KDM2B: variants seen among roughly 807,000 people sequenced by gnomAD.
KDM2B encodes the protein lysine-specific demethylase 2B.
A neutral mutation model predicts 150.0 loss-of-function variants in KDM2B; 26 were observed. The observed-to-expected ratio is 0.17, with a 90% confidence interval of 0.13 to 0.24. The LOEUF is 0.24. Ranked by LOEUF, KDM2B falls within the 10% of genes least tolerant of loss-of-function variation. The probability of loss-of-function intolerance (pLI) is 1.00; values close to 1 mark genes in which losing one functional copy is unlikely to be tolerated. For synonymous variants in KDM2B, 734 were observed against 729.5 expected (o/e 1.01, Z -0.10); for missense variants, 1,265 against 1,816.9 (o/e 0.70, Z 5.52).
intron 12 of KDM2B, 74 bp downstream of exon 12, chr12:121,494,505 C>T (rs782351696): frequency 6.2e-6 from 7 of 1,137,288 alleles, no homozygotes; most frequent in Admixed American, 6.0e-5. Flanking sequence ...CCCAAAAAGT[C>T]GCGGCTGTTC....
intron 4 of KDM2B, among the ~76,000 whole-genome samples, chr12:121,551,971 T>C (rs1555311887): frequency 6.6e-6 from 1 of 152,120 alleles, no homozygotes; most frequent in Non-Finnish European, 1.5e-5. Flanking sequence ...ATCTTTTGGG[T>C]TCAAGATCTA....
chr12:121,509,975 C>T lies in KDM2B; in HGVS notation c.1239G>A (p.Glu413=). ...CCTCCTGAGGCTGCTGATCACAGGC[C>T]TCCTCCTCCATCTCCAGCCAGGAAT... ...SSDSWLEMEE[E]ACDQQPQEEE... is the part of the protein sequence containing the mutation. The change falls in exon 11 of 23, where the codon GAG becomes GAA. Residue 413 remains glutamate (E), a synonymous_variant. Coordinates refer to ENST00000377071, the MANE Select transcript of KDM2B (RefSeq NM_032590.5). 3 of 1,603,818 alleles carry T rather than the reference C, an allele frequency of 1.9e-6. No homozygotes were observed. The South Asian group carries it at 3.3e-5, about 18-fold the overall frequency.
chr12:121,455,748 A>T (rs539809049), intron 12 of KDM2B, among the ~76,000 whole-genome samples: 4 of 152,340 alleles, frequency 2.6e-5, no homozygotes, highest in Admixed American at 2.0e-4. Flanking sequence ...TGAGGGCCGG[A>T]TGCCCCCAAC....
chr12:121,497,815 T>C (rs1204162062), intron 11 of KDM2B, among the ~76,000 whole-genome samples: 1 of 151,124 alleles, frequency 6.6e-6, no homozygotes, highest in East Asian at 2.0e-4. Flanking sequence ...GGTTTAACTC[T>C]GGCCAGTTGC....
At chr12:121,507,834 G>A (rs531726412) in intron 11 of KDM2B, among the ~76,000 whole-genome samples, 20 of 152,002 alleles carry the variant, frequency 1.3e-4, no homozygotes, top group Non-Finnish European at 2.6e-4. Flanking sequence ...AATGTGGTGA[G>A]ACCCCATCTC....
intron 12 of KDM2B, among the ~76,000 whole-genome samples, chr12:121,459,457 C>T (rs900440300): frequency 8.5e-5 from 13 of 152,098 alleles, no homozygotes; most frequent in South Asian, 6.2e-4. Context: ...ATCTTTATGA[C>T]TTTGAATTAG....
chr12:121,442,978 G>T lies in KDM2B; in HGVS notation c.2604+14C>A, dbSNP rs1555288988. On this transcript the variant is annotated intron_variant, in intron 18 of 22. Coordinates refer to ENST00000377071, the MANE Select transcript of KDM2B (RefSeq NM_032590.5). The surrounding 1 kb of genome is among the most constrained non-coding windows in gnomAD (Gnocchi z 7.7). ...GCTCAGGCCTGGGGCACAGGAGGGA[G>T]GGGAAGATGGTACCTTTTTCCTGAA... is the stretch of plus-strand genomic sequence containing the variant. 5.0e-6 allele frequency: 8 copies of T among 1,613,094 alleles called. No individual in the cohort carries two copies. Among genetic ancestry groups the T allele is most frequent in the Non-Finnish European group, 5.9e-6 (7 of 1,179,550 alleles).
At chr12:121,417,951 C>T in the KDM2B span, 2 of 1,590,788 alleles carry the variant, frequency 1.3e-6, no homozygotes, top group African/African-American at 2.7e-5. The surrounding 1 kb of genome is among the most constrained non-coding windows in gnomAD (Gnocchi z 5.0). Flanking sequence ...GCCCGGCACG[C>T]TTATTCTTGG....
chr12:121,429,832 A>G lies in KDM2B; in HGVS notation c.*456T>C, dbSNP rs1219414924. 5.3e-6 allele frequency: 3 copies of G among 568,324 alleles called. No individual in the cohort carries two copies. The African/African-American group carries it at 5.6e-5, about 11-fold the overall frequency. The allele number at this position is 568,324 out of a possible 1,614,324, so 35.2% of individuals were successfully genotyped here. The stretch of plus-strand genomic sequence containing the variant: ...GTACAAAAATAGTTCTGCATAATGT[A>G]AGATGTAACAAAACCAACCAAACAA... On this transcript the variant is annotated 3_prime_UTR_variant, in exon 23 of 23. Transcript: ENST00000377071.
chr12:121,577,215 C>A (rs1244757040), intron 2 of KDM2B, among the ~76,000 whole-genome samples: 1 of 152,072 alleles, frequency 6.6e-6, no homozygotes, highest in Non-Finnish European at 1.5e-5. Flanking sequence ...CTAGACCCAC[C>A]CACCCTAGGC....
At chr12:121,514,368 G>A (rs1022125938) in intron 9 of KDM2B, among the ~76,000 whole-genome samples, 4 of 152,018 alleles carry the variant, frequency 2.6e-5, no homozygotes, top group Non-Finnish European at 5.9e-5. Context: ...GGTGGAGACA[G>A]CTTTGTGTAC....
chr12:121,423,896 T>G, the KDM2B span: 2 of 255,944 alleles, frequency 7.8e-6, no homozygotes, highest in South Asian at 1.7e-4. This position sits in a 1 kb window ranked among gnomAD's most constrained non-coding sequence, Gnocchi z 4.3. Flanking sequence ...TCCTGTTCTC[T>G]TATTTCCCCT....
In KDM2B at chr12:121,580,779, A is replaced by G; in HGVS notation, c.126+7T>C. Reference sequence around the variant, plus strand: ...TCTTCTTTCATCCACCCCTCCCCCAACATTACCTGTGTGGCCGACTCAAAT... The same window carrying G: ...TCTTCTTTCATCCACCCCTCCCCCAGCATTACCTGTGTGGCCGACTCAAAT... On this transcript the variant is annotated splice_region_variant and intron_variant, in intron 1 of 22. Transcript: ENST00000377071. 1 of 1,611,560 alleles carries G rather than the reference A, an allele frequency of 6.2e-7. No individual in the cohort carries two copies. Among genetic ancestry groups the G allele is most frequent in the Non-Finnish European group, 8.5e-7 (1 of 1,178,910 alleles).
chr12:121,580,254 G>C (rs536991976), intron 1 of KDM2B: 32 of 1,241,522 alleles, frequency 2.6e-5, no homozygotes, highest in Non-Finnish European at 3.1e-5. Context: ...AGCAGTTGTG[G>C]GGGGGGGGAG....
At chr12:121,536,805 G>A (rs1888149074) in intron 6 of KDM2B, among the ~76,000 whole-genome samples, 1 of 152,066 alleles carries the variant, frequency 6.6e-6, no homozygotes, top group Admixed American at 6.5e-5. Flanking sequence ...CTGGAAGCCC[G>A]CGGGTACCCA....
At chr12:121,451,544 A>G (rs113788834) in intron 13 of KDM2B, among the ~76,000 whole-genome samples, 2,052 of 152,312 alleles carry the variant, frequency 0.013, 50 homozygotes, top group African/African-American at 0.047. Context: ...CTGCACACCC[A>G]TATTCACTGC....
chr12:121,523,389 C>T lies in KDM2B; in HGVS notation c.932-2289G>A, dbSNP rs561917581. On this transcript the variant is annotated intron_variant, in intron 8 of 22. Transcript: ENST00000377071. The stretch of plus-strand genomic sequence containing the variant: ...AATGGTGCAGCAGAGGGAAGGGTGG[C>T]GGTGCCCCAAGACCCTGCACCTTGA... Among the ~76,000 whole-genome samples, 6 of 152,316 alleles carry T rather than the reference C, an allele frequency of 3.9e-5. No individual in the cohort carries two copies. In the South Asian group the frequency reaches 1.2e-3, roughly 32 times the overall value.
the KDM2B span, among the ~76,000 whole-genome samples, chr12:121,419,224 A>G: frequency 4.6e-5 from 7 of 152,340 alleles, no homozygotes; most frequent in African/African-American, 1.7e-4. Context: ...ATAGCTGCCT[A>G]CAGTATTCAG....
At chr12:121,427,728 C>A (rs1468756713), downstream of KDM2B, among the ~76,000 whole-genome samples, 1 of 152,110 alleles carries the variant, frequency 6.6e-6, no homozygotes, top group African/African-American at 2.4e-5. Flanking sequence ...GATCCCCAGC[C>A]CTGGCAGCCC....
Sources: allele counts gnomAD v4.1 joint callset (sites outside exome capture counted in the v4.1 genomes callset), GRCh38; gene constraint gnomAD v4.1.1; non-coding constraint Gnocchi (gnomAD v3.1); transcripts MANE v1.5; gene names NCBI Gene and HGNC (gene_info 2026-07-23, HGNC 2026-07-21).